Variants in HPSE2 observed in about 807,000 individuals in gnomAD.
HPSE2 encodes the protein inactive heparanase-2.
In HPSE2, 38 loss-of-function variants were observed where a neutral mutation model predicts 60.5. The observed-to-expected ratio is 0.63, with a 90% CI of 0.48 to 0.82. The LOEUF is 0.82. Ranked by LOEUF, HPSE2 falls within the 40% of genes least tolerant of loss-of-function variation. The probability of loss-of-function intolerance (pLI) is 0.00; values close to 1 mark genes in which losing one functional copy is unlikely to be tolerated. For missense variants in HPSE2, 713 were observed against 740.4 expected (o/e 0.96, Z 0.43); for synonymous variants, 295 against 293.2 (o/e 1.01, Z -0.06).
intron 3 of HPSE2, among the ~76,000 whole-genome samples, chr10:98,790,146 T>C (rs1424378636): frequency 6.6e-6 from 1 of 152,176 alleles, no homozygotes; most frequent in Non-Finnish European, 1.5e-5. Flanking sequence ...AATAATGAAG[T>C]GACTGACAGA....
chr10:98,735,206 T>C (rs1246038827), intron 4 of HPSE2, among the ~76,000 whole-genome samples: 24 of 28,136 alleles, frequency 8.5e-4, no homozygotes, highest in African/African-American at 2.3e-3. Context: ...AGTGGGCCAC[T>C]GCCATAAAGA....
At chr10:99,055,846 G>A (rs1157771913) in intron 3 of HPSE2, among the ~76,000 whole-genome samples, 2 of 152,054 alleles carry the variant, frequency 1.3e-5, no homozygotes, top group Admixed American at 6.6e-5. Flanking sequence ...GGAACTTACA[G>A]CTTTAAGCGC....
chr10:99,111,303 T>C (rs1309774660), intron 3 of HPSE2, among the ~76,000 whole-genome samples: 1 of 152,198 alleles, frequency 6.6e-6, no homozygotes, highest in Non-Finnish European at 1.5e-5. Flanking sequence ...CTAGTTCTTT[T>C]GTCTTTCCAT....
rs200377253 is a variant in HPSE2 at position 98,724,310 on chromosome 10, T to C, written c.785-2482A>G. On this transcript the variant is annotated intron_variant, in intron 4 of 11. Transcript: ENST00000370552. The stretch of plus-strand genomic sequence containing the variant: ...TTCTTAATCCTGAGTTCTAGTTTGA[T>C]TGCACTGTGGTCTGAGAGACAGTTT... Among the ~76,000 whole-genome samples the C allele has an allele frequency of 7.5e-4, 115 of 152,322 alleles. No individual in the cohort carries two copies. The East Asian group carries it at 0.01, about 14-fold the overall frequency.
intron 9 of HPSE2, among the ~76,000 whole-genome samples, chr10:98,513,866 A>G (rs533415299): frequency 1.2e-4 from 19 of 152,296 alleles, no homozygotes; most frequent in African/African-American, 4.1e-4. Flanking sequence ...TAAGTTAAAT[A>G]TAGAATCATC....
At chr10:98,631,792 T>A (rs1946372022) in intron 7 of HPSE2, among the ~76,000 whole-genome samples, 1 of 152,234 alleles carries the variant, frequency 6.6e-6, no homozygotes, top group Non-Finnish European at 1.5e-5. Flanking sequence ...AGTAGATCAA[T>A]GCAAATAACC....
chr10:98,601,570 G>T (rs1480219532), intron 9 of HPSE2, among the ~76,000 whole-genome samples: 2 of 152,194 alleles, frequency 1.3e-5, no homozygotes, highest in Admixed American at 6.5e-5. Flanking sequence ...TATGTCTTCT[G>T]ATAAAAAGTA....
chr10:99,198,958 T>C (rs1848488840), intron 2 of HPSE2, among the ~76,000 whole-genome samples: 1 of 152,202 alleles, frequency 6.6e-6, no homozygotes, highest in East Asian at 1.9e-4. Context: ...CTTCTGTGAT[T>C]AGTTTATTTC....
intron 9 of HPSE2, among the ~76,000 whole-genome samples, chr10:98,535,589 G>T (rs146440746): frequency 6.6e-6 from 1 of 152,030 alleles, no homozygotes; most frequent in African/African-American, 2.4e-5. Flanking sequence ...TCCTCTAAGC[G>T]TATACTATTG....
At chr10:98,820,669 TA>T (rs560462032) in intron 3 of HPSE2, among the ~76,000 whole-genome samples, 242 of 152,266 alleles carry the variant, frequency 1.6e-3, no homozygotes, top group Admixed American at 3.7e-3. Flanking sequence ...GAAAAATAAA[TA>T]AATGTGTTGG....
the HPSE2 span, among the ~76,000 whole-genome samples, chr10:99,262,085 G>A: frequency 1.3e-5 from 2 of 152,104 alleles, no homozygotes; most frequent in East Asian, 1.9e-4. Flanking sequence ...CGATCGCCTC[G>A]GAAGCCTACA....
intron 4 of HPSE2, among the ~76,000 whole-genome samples, chr10:98,726,482 T>A (rs1384829488): frequency 9.2e-6 from 1 of 108,568 alleles, no homozygotes; most frequent in African/African-American, 3.7e-5. Flanking sequence ...CCAGGGACTG[T>A]TGTGGGGCAG....
intron 3 of HPSE2, among the ~76,000 whole-genome samples, chr10:99,102,946 A>C (rs747785899): frequency 3.9e-5 from 6 of 152,234 alleles, no homozygotes; most frequent in Non-Finnish European, 7.3e-5. Flanking sequence ...TTCATGCTAA[A>C]AACTCTCAAT....
chr10:98,813,901 G>A (rs1252322), intron 3 of HPSE2, among the ~76,000 whole-genome samples: 8,379 of 152,170 alleles, frequency 0.055, 729 homozygotes, highest in African/African-American at 0.19. Context: ...TCCTTACATT[G>A]TTATACAAAG....
intron 9 of HPSE2, among the ~76,000 whole-genome samples, chr10:98,505,313 T>A (rs1942164806): frequency 6.6e-6 from 1 of 152,066 alleles, no homozygotes; most frequent in Non-Finnish European, 1.5e-5. Context: ...CTCCAGGGAG[T>A]GAGGATCCAA....
intron 3 of HPSE2, among the ~76,000 whole-genome samples, chr10:99,025,436 C>T (rs147998049): frequency 0.018 from 2,682 of 152,048 alleles, 33 homozygotes; most frequent in Middle Eastern, 0.065. Flanking sequence ...ATAGCAAGGA[C>T]ATGGAATCAA....
chr10:98,894,217 A>G (rs1460164464), intron 3 of HPSE2, among the ~76,000 whole-genome samples: 1 of 152,210 alleles, frequency 6.6e-6, no homozygotes, highest in Non-Finnish European at 1.5e-5. Flanking sequence ...TGAAAAAATC[A>G]TCTCCAAATA....
At chr10:98,752,913 A>G (rs946452189) in intron 3 of HPSE2, among the ~76,000 whole-genome samples, 3 of 152,236 alleles carry the variant, frequency 2.0e-5, no homozygotes, top group African/African-American at 7.2e-5. Flanking sequence ...CATGGAGGAC[A>G]GTACGTGAAG....
intron 3 of HPSE2, among the ~76,000 whole-genome samples, chr10:98,791,064 T>C (rs541290843): frequency 1.3e-5 from 2 of 152,212 alleles, no homozygotes; most frequent in East Asian, 3.8e-4. Flanking sequence ...TGAGTTTCTA[T>C]CAATAAATAT....
Sources: gnomAD v4.1 joint callset for allele counts (sites outside exome capture counted in the v4.1 genomes callset) on GRCh38, gnomAD v4.1.1 for gene constraint, MANE v1.5 for transcripts, NCBI Gene and HGNC (gene_info 2026-07-23, HGNC 2026-07-21) for gene names.